Variants in IQCE observed in about 807,000 individuals in gnomAD.
IQCE encodes the protein IQ motif containing E, also known as IQ domain-containing protein E.
IQCE carries 115 observed loss-of-function variants against 96.0 expected under a neutral mutation model. The ratio of observed to expected loss-of-function variants is 1.20; its 90% CI spans 1.03 to 1.40. The LOEUF (loss-of-function observed/expected upper bound fraction) is 1.40, where lower values mean the gene tolerates loss of function less well. IQCE is among the 40% of genes most tolerant of loss of function. The probability of loss-of-function intolerance (pLI) is 0.00; values close to 1 mark genes in which losing one functional copy is unlikely to be tolerated. For missense variants in IQCE, 1,041 were observed against 909.1 expected (o/e 1.15, Z -1.87); for synonymous variants, 412 against 371.2 (o/e 1.11, Z -1.26).
At chr7:2,594,834 T>G in intron 15 of IQCE, 52 bp from the exon 16 acceptor site, 38 of 1,112,564 alleles carry the variant, frequency 3.4e-5, no homozygotes, top group Non-Finnish European at 4.6e-5. Flanking sequence ...TGTGCCGGCC[T>G]TCATCACATA....
chr7:2,582,153 G>A (rs564372864), intron 8 of IQCE: 6 of 444,342 alleles, frequency 1.4e-5, no homozygotes, highest in African/African-American at 8.1e-5. Flanking sequence ...CGGCCGCGCT[G>A]TCTCCCACCC....
intron 16 of IQCE, among the ~76,000 whole-genome samples, chr7:2,597,678 TC>T (rs1338798356): frequency 1.3e-5 from 2 of 152,240 alleles, no homozygotes; most frequent in Non-Finnish European, 2.9e-5. Context: ...TTTTCTTTTT[TC>T]TTTTTAGAGA....
In IQCE at chr7:2,607,220, T is replaced by G. The variant is rs1583525215; in HGVS notation, c.1962T>G (p.Ala654=). 6.2e-7 allele frequency: 1 copy of G among 1,613,818 alleles called. No homozygotes were observed. Among genetic ancestry groups the G allele is most frequent in the East Asian group, 2.2e-5 (1 of 44,848 alleles). ...CCTCCTCCCCACCCTTCCTCGCAGC[T>G]CTTCCTGGTAATTTCATTCATTTGG... ...GDASSPPFLA[A]LPDPSPSGPQ... The change falls in exon 21 of 22, where the codon GCT becomes GCG. Residue 654 remains alanine, a synonymous_variant. Transcript: ENST00000402050.
chr7:2,585,888 T>G (rs374628971), intron 11 of IQCE, among the ~76,000 whole-genome samples: 62 of 152,324 alleles, frequency 4.1e-4, no homozygotes, highest in Middle Eastern at 3.4e-3. Context: ...CGAGCTATCC[T>G]GCAAGCACCT....
At chr7:2,585,257 C>T (rs557892953) in intron 11 of IQCE, among the ~76,000 whole-genome samples, 2 of 152,266 alleles carry the variant, frequency 1.3e-5, no homozygotes, top group South Asian at 2.1e-4. Context: ...AGGCTGTTCT[C>T]GAACTCCTGA....
chr7:2,594,062 C>T (rs966290391), intron 15 of IQCE, among the ~76,000 whole-genome samples: 1 of 151,742 alleles, frequency 6.6e-6, no homozygotes, highest in African/African-American at 2.4e-5. Flanking sequence ...GAGTTCAAGA[C>T]CAGCCTGACC....
chr7:2,585,268 C>G (rs1234521606), intron 11 of IQCE, among the ~76,000 whole-genome samples: 2 of 152,132 alleles, frequency 1.3e-5, no homozygotes, highest in African/African-American at 4.8e-5. Context: ...GAACTCCTGA[C>G]CTCAGGTGAT....
intron 1 of IQCE, among the ~76,000 whole-genome samples, chr7:2,566,231 T>C (rs556869138): frequency 6.6e-6 from 1 of 152,246 alleles, no homozygotes; most frequent in Non-Finnish European, 1.5e-5. Context: ...TGCTTCTCTT[T>C]TTGGATTTCA....
rs1386905039 is a variant in IQCE at position 2,604,908 on chromosome 7, AG to A, written c.1664del (p.Gly555AspfsTer9). 6.2e-7 allele frequency: 1 copy of A among 1,613,640 alleles called. No homozygotes were observed. Among genetic ancestry groups the A allele is most frequent in the Non-Finnish European group, 8.5e-7 (1 of 1,179,896 alleles). ...EAAVVLQAAF[R>X]GHLTRTKLLA... ...GGCTGTGGTGCTTCAGGCAGCTTTC[AG>A]GGGACATCTCACGCGGACAAAGCTC... On this transcript the variant is annotated frameshift_variant, in exon 19 of 22. Coordinates refer to ENST00000402050, the MANE Select transcript of IQCE (RefSeq NM_152558.5). LOFTEE classifies it high-confidence loss of function.
intron 3 of IQCE, 145 bp downstream of exon 3, chr7:2,569,144 TTC>T: frequency 1.4e-6 from 1 of 732,432 alleles, no homozygotes; most frequent in Non-Finnish European, 2.3e-6. Flanking sequence ...GGTCTCCCAG[TTC>T]GCGCTGGAGT....
chr7:2,597,486 T>TGCGCCTG (rs1263339957), intron 16 of IQCE, among the ~76,000 whole-genome samples: 1 of 152,262 alleles, frequency 6.6e-6, no homozygotes, highest in East Asian at 1.9e-4. Flanking sequence ...ACAGGCCACC[T>TGCGCCTG]GCGCCTGGCG....
intron 20 of IQCE, 50 bp downstream of exon 20, chr7:2,606,047 G>C: frequency 6.4e-7 from 1 of 1,561,490 alleles, no homozygotes; most frequent in African/African-American, 1.4e-5. Flanking sequence ...ACGAGAGGCT[G>C]CCCACCGCAC....
chr7:2,569,020 C>T, intron 3 of IQCE, 21 bp downstream of exon 3: 1 of 1,611,852 alleles, frequency 6.2e-7, no homozygotes, highest in Non-Finnish European at 8.5e-7. Flanking sequence ...CGAGGCCTGC[C>T]TTCCCTCTCA....
At chr7:2,566,429 A>G (rs1020439438) in intron 1 of IQCE, 1 of 145,332 alleles carries the variant, frequency 6.9e-6, no homozygotes, top group South Asian at 2.2e-4. Context: ...ATTGTAATGC[A>G]TATGTTTTGG....
intron 15 of IQCE, among the ~76,000 whole-genome samples, 191 bp downstream of exon 15, chr7:2,593,317 T>G (rs1019791403): frequency 6.6e-6 from 1 of 152,268 alleles, no homozygotes; most frequent in African/African-American, 2.4e-5. Flanking sequence ...GGGCCTGCCC[T>G]CTGGCATCGT....
At position 2,578,519 on chromosome 7, in the gene IQCE, C is replaced by T; in HGVS notation, c.623C>T (p.Ala208Val). The change falls in exon 8 of 22, where the codon GCC (alanine) becomes GTC (valine). Residue 208 changes from alanine to valine, a missense_variant. By Grantham distance (64) the Ala-to-Val change is moderately conservative. Coordinates refer to ENST00000402050, the MANE Select transcript of IQCE (RefSeq NM_152558.5). Reference sequence around the variant, plus strand: ...ACTCTGGCAGAGAAAAGGCCCGATGCCAGTTGGGTGAGTATGGTGTGTGCA... The same window carrying T: ...ACTCTGGCAGAGAAAAGGCCCGATGTCAGTTGGGTGAGTATGGTGTGTGCA... Reference protein sequence around the residue: ...VRTLAEKRPDASWVINGLKQR... With the variant: ...VRTLAEKRPDVSWVINGLKQR... The T allele has an allele frequency of 1.2e-6, 2 of 1,614,146 alleles. No homozygotes were observed. The highest frequency in any genetic ancestry group is 1.7e-6 in the Non-Finnish European group (2 of 1,180,004).
rs1203456173 is a variant in IQCE at position 2,587,826 on chromosome 7, T to C, written c.993T>C (p.Tyr331=). The C allele has an allele frequency of 1.9e-6, 3 of 1,613,892 alleles. No homozygotes were observed. The highest frequency in any genetic ancestry group is 2.7e-5 in the African/African-American group (2 of 74,936). The part of the protein sequence containing the change: ...TSPTISKTQG[Y]VEWSKPRLLR... ...AAACCGCATTGCTTCCATCAGGTTATGTGGAGTGGAGCAAGCCCCGGCTGC... is the reference window on the plus strand; with the variant it reads ...AAACCGCATTGCTTCCATCAGGTTACGTGGAGTGGAGCAAGCCCCGGCTGC... Residue 331 remains tyrosine, a synonymous_variant, in exon 13 of 22, where the codon TAT becomes TAC. Coordinates refer to ENST00000402050, the MANE Select transcript of IQCE (RefSeq NM_152558.5).
chr7:2,587,236 A>G (rs1783194159), intron 12 of IQCE, among the ~76,000 whole-genome samples: 1 of 151,298 alleles, frequency 6.6e-6, no homozygotes, highest in African/African-American at 2.4e-5. Flanking sequence ...GGGAAAGGCC[A>G]CGGGAGGTCT....
chr7:2,604,992 G>T lies in IQCE; in HGVS notation c.1743+1G>T, dbSNP rs781111427. 2.5e-6 allele frequency: 4 copies of T among 1,605,754 alleles called. No individual in the cohort carries two copies. Among genetic ancestry groups the T allele is most frequent in the Non-Finnish European group, 2.6e-6 (3 of 1,173,072 alleles). ...CAGCGTGCCAGGCCTCCCAGACCAG[G>T]TAATGTCGGGGTGCTGGACGTCCCA... On this transcript the variant is annotated splice_donor_variant, in intron 19 of 21. Coordinates refer to ENST00000402050, the MANE Select transcript of IQCE (RefSeq NM_152558.5). LOFTEE classifies it high-confidence loss of function.
Sources: allele counts gnomAD v4.1 joint callset (sites outside exome capture counted in the v4.1 genomes callset), GRCh38; gene constraint gnomAD v4.1.1; transcripts MANE v1.5; gene names NCBI Gene and HGNC (gene_info 2026-07-23, HGNC 2026-07-21).